Variants in ADGRA3 observed in about 807,000 individuals in gnomAD.
ADGRA3 encodes the protein adhesion G protein-coupled receptor A3, also known as G-protein coupled receptor 125.
ADGRA3 carries 56 observed loss-of-function variants against 119.8 expected under a neutral mutation model. The ratio of observed to expected loss-of-function variants is 0.47; its 90% CI spans 0.38 to 0.58. The LOEUF is 0.58. Among genes scored for constraint, ADGRA3 ranks in the 20% least tolerant of loss-of-function variants. The probability of loss-of-function intolerance (pLI) is 0.00; values close to 1 mark genes in which losing one functional copy is unlikely to be tolerated. For missense variants in ADGRA3, 1,516 were observed against 1,649.0 expected, an observed-to-expected ratio of 0.92 and a Z score of 1.40; for synonymous variants, 607 against 623.8, an observed-to-expected ratio of 0.97 and a Z score of 0.40.
intron 1 of ADGRA3, among the ~76,000 whole-genome samples, 161 bp from the exon 2 acceptor site, chr4:22,474,004 G>A (rs919747404): frequency 1.3e-5 from 2 of 152,100 alleles, no homozygotes; most frequent in Non-Finnish European, 2.9e-5. Context: ...CCCTTTCTCT[G>A]AGAAACCAAC....
chr4:22,423,627 A>C (rs2109040257), intron 11 of ADGRA3, among the ~76,000 whole-genome samples: 1 of 152,342 alleles, frequency 6.6e-6, no homozygotes, highest in Non-Finnish European at 1.5e-5. Flanking sequence ...ATTATTTATT[A>C]ATAAGTCATT....
At chr4:22,468,114 C>A (rs1011228345) in intron 2 of ADGRA3, among the ~76,000 whole-genome samples, 6 of 152,138 alleles carry the variant, frequency 3.9e-5, no homozygotes, top group African/African-American at 1.4e-4. Flanking sequence ...TGTAACTGTG[C>A]CTTCAGGCTG....
intron 15 of ADGRA3, among the ~76,000 whole-genome samples, chr4:22,402,385 A>G (rs928394421): frequency 1.4e-4 from 22 of 152,040 alleles, no homozygotes; most frequent in African/African-American, 2.7e-4. Flanking sequence ...TTTACCTCCT[A>G]TTGCGCCTGT....
Position 22,515,971 on chromosome 4 carries a change from G to C in ADGRA3, c.-187C>G. The C allele has an allele frequency of 1.0e-5, 2 of 197,964 alleles. No homozygotes were observed. The highest frequency in any genetic ancestry group is 1.8e-5 in the Non-Finnish European group (2 of 109,982). The allele number at this position is 197,964 out of a possible 1,614,324, so 12.3% of individuals were successfully genotyped here. On this transcript the variant is annotated 5_prime_UTR_variant, in exon 1 of 19. Coordinates refer to ENST00000334304, the MANE Select transcript of ADGRA3 (RefSeq NM_145290.4). ...TGCGGCTGCGCTGGGCCTCTAGGGA[G>C]CCGGGGGTCACGGCCGCATGGGTCC...
chr4:22,455,124 T>C (rs947604578), intron 3 of ADGRA3, among the ~76,000 whole-genome samples, 187 bp from the exon 4 acceptor site: 5 of 152,236 alleles, frequency 3.3e-5, no homozygotes, highest in Non-Finnish European at 5.9e-5. Context: ...TGCTTTCACT[T>C]ACTGCTGGCA....
chr4:22,494,457 AAC>A (rs1279688084), intron 1 of ADGRA3, among the ~76,000 whole-genome samples: 2 of 151,850 alleles, frequency 1.3e-5, no homozygotes, highest in Non-Finnish European at 2.9e-5. Flanking sequence ...TTTCTTAATA[AAC>A]TTGCTTTCAC....
At position 22,421,099 on chromosome 4, in the gene ADGRA3, T is replaced by A; in HGVS notation, c.1606-10A>T. ...CAATATTGGGTGAATACTTGAAAAG[T>A]CAATCAAACAGGAGTTATGAACGAT... On this transcript the variant is annotated splice_polypyrimidine_tract_variant and intron_variant, in intron 11 of 18. Coordinates refer to ENST00000334304, the MANE Select transcript of ADGRA3 (RefSeq NM_145290.4). 6.2e-7 allele frequency: 1 copy of A among 1,609,406 alleles called. No homozygotes were observed.
At chr4:22,399,430 C>CT (rs1714516451) in intron 16 of ADGRA3, among the ~76,000 whole-genome samples, 2 of 151,284 alleles carry the variant, frequency 1.3e-5, no homozygotes, top group African/African-American at 2.4e-5. Flanking sequence ...AGGTCTCCAA[C>CT]TTTTTTTTAA....
intron 8 of ADGRA3, among the ~76,000 whole-genome samples, chr4:22,437,612 A>T (rs1716446727): frequency 6.6e-6 from 1 of 152,204 alleles, no homozygotes; most frequent in Non-Finnish European, 1.5e-5. Flanking sequence ...GTTTAAGGTA[A>T]AAGCTGTCAT....
chr4:22,510,048 G>A (rs76475477), intron 1 of ADGRA3, among the ~76,000 whole-genome samples: 2,574 of 151,832 alleles, frequency 0.017, 31 homozygotes, highest in Middle Eastern at 0.061. Flanking sequence ...TTCTGGGTGG[G>A]CCACTCCCAG....
intron 12 of ADGRA3, among the ~76,000 whole-genome samples, chr4:22,415,531 CATA>C (rs1354312469): frequency 6.6e-6 from 1 of 152,024 alleles, no homozygotes; most frequent in African/African-American, 2.4e-5. Context: ...CTCCTAAGTA[CATA>C]ATGACACATG....
chr4:22,512,961 G>T (rs1358830020), intron 1 of ADGRA3, among the ~76,000 whole-genome samples: 1 of 152,098 alleles, frequency 6.6e-6, no homozygotes, highest in Non-Finnish European at 1.5e-5. Context: ...GAAAGCATCT[G>T]AACTGCAGGA....
At chr4:22,417,976 A>C (rs1183578276) in intron 12 of ADGRA3, among the ~76,000 whole-genome samples, 1 of 152,198 alleles carries the variant, frequency 6.6e-6, no homozygotes, top group Non-Finnish European at 1.5e-5. Flanking sequence ...AAGTATAAAG[A>C]ATTAATTATT....
rs768033015 is a variant in ADGRA3, at chr4:22,443,035, A to G, written c.707-172T>C. 5.3e-5 allele frequency: 36 copies of G among 682,388 alleles called. 4 individuals are homozygous for G. In the South Asian group the frequency reaches 6.0e-4, roughly 11 times the overall value. The allele number at this position is 682,388 out of a possible 1,614,324, so 42.3% of individuals were successfully genotyped here. A position where few individuals can be genotyped will look rare whatever the true frequency, so the allele number is the denominator to read the frequency against. On this transcript the variant is annotated intron_variant, in intron 6 of 18. Transcript: ENST00000334304. ...CTGCTACTGAGTTTAGTGATAACAGATTAAAACAAAATTAAAAAGAAACAA... is the reference window on the plus strand; with the variant it reads ...CTGCTACTGAGTTTAGTGATAACAGGTTAAAACAAAATTAAAAAGAAACAA...
Position 22,435,143 on chromosome 4 carries a change from G to A in ADGRA3, c.1443+168C>T, listed in dbSNP as rs528529601. ...CTCTCCCGGTCCCAGCAGCAAACAG[G>A]TCATAAGAGAAGAGGCAGAAGTATC... On this transcript the variant is annotated intron_variant, in intron 10 of 18. Coordinates refer to ENST00000334304, the MANE Select transcript of ADGRA3 (RefSeq NM_145290.4). Among the ~76,000 whole-genome samples, 5 of 152,232 alleles carry A rather than the reference G, an allele frequency of 3.3e-5. No individual in the cohort carries two copies. In the East Asian group the frequency reaches 9.7e-4, roughly 29 times the overall value.
At chr4:22,420,678 G>C (rs1220475190) in intron 12 of ADGRA3, 10 of 572,682 alleles carry the variant, frequency 1.7e-5, no homozygotes, top group Non-Finnish European at 3.1e-5. Context: ...TGTGAAGAAA[G>C]GGAATCAAAG....
chr4:22,433,272 A>C (rs1256691917), intron 10 of ADGRA3, among the ~76,000 whole-genome samples: 1 of 152,196 alleles, frequency 6.6e-6, no homozygotes, highest in African/African-American at 2.4e-5. Context: ...AAATTTTTAC[A>C]GAACTAACTG....
chr4:22,441,900 G>C (rs2109071750), intron 7 of ADGRA3, among the ~76,000 whole-genome samples: 1 of 152,258 alleles, frequency 6.6e-6, no homozygotes, highest in South Asian at 2.1e-4. Flanking sequence ...CCTGAGATTT[G>C]AATGTCAACT....
chr4:22,471,767 T>A (rs141573382), intron 2 of ADGRA3, among the ~76,000 whole-genome samples: 41 of 152,300 alleles, frequency 2.7e-4, no homozygotes, highest in African/African-American at 8.9e-4. Context: ...TGTATATTTA[T>A]CTCTGTGGTC....
Sources: gnomAD v4.1 joint callset for allele counts (sites outside exome capture counted in the v4.1 genomes callset) on GRCh38, gnomAD v4.1.1 for gene constraint, MANE v1.5 for transcripts, NCBI Gene and HGNC (gene_info 2026-07-23, HGNC 2026-07-21) for gene names.